KLF12: variants seen among roughly 807,000 people sequenced by gnomAD.
KLF12 encodes Krueppel-like factor 12.
A neutral mutation model predicts 37.8 loss-of-function variants in KLF12; 9 were observed. The ratio of observed to expected loss-of-function variants is 0.24; its 90% CI spans 0.14 to 0.42. The LOEUF (loss-of-function observed/expected upper bound fraction) is 0.42, where lower values mean the gene tolerates loss of function less well. Ranked by LOEUF, KLF12 falls within the 10% of genes least tolerant of loss-of-function variation. KLF12 has a pLI of 1.00. For synonymous variants in KLF12, 208 were observed against 202.1 expected (o/e 1.03, Z -0.25); for missense variants, 411 against 516.0 (o/e 0.80, Z 1.97).
intron 5 of KLF12, among the ~76,000 whole-genome samples, chr13:73,774,977 G>A (rs1880517392): frequency 6.7e-6 from 1 of 150,150 alleles, no homozygotes; most frequent in Non-Finnish European, 1.5e-5. Context: ...GATTACAATG[G>A]CACGATCTCA....
At chr13:74,098,948 T>C (rs1007710083) in intron 1 of KLF12, among the ~76,000 whole-genome samples, 1 of 152,212 alleles carries the variant, frequency 6.6e-6, no homozygotes, top group Non-Finnish European at 1.5e-5. Context: ...TCTTATTTTA[T>C]AACACAAACT....
At chr13:73,709,683 C>T (rs1457447543) in intron 7 of KLF12, among the ~76,000 whole-genome samples, 1 of 152,182 alleles carries the variant, frequency 6.6e-6, no homozygotes, top group Non-Finnish European at 1.5e-5. Context: ...TAGTAACTAT[C>T]TCTCTGCTAA....
chr13:74,089,803 GA>G (rs35244601), intron 1 of KLF12, among the ~76,000 whole-genome samples: 2,035 of 117,700 alleles, frequency 0.017, 28 homozygotes, highest in Middle Eastern at 0.044. Flanking sequence ...CATGCAGGGG[GA>G]AAAAAAAAAA....
intron 6 of KLF12, among the ~76,000 whole-genome samples, chr13:73,724,013 C>T (rs887586030): frequency 6.6e-6 from 1 of 152,132 alleles, no homozygotes; most frequent in Admixed American, 6.5e-5. Flanking sequence ...CCAGAACTAC[C>T]ATTTGACCCA....
chr13:73,880,746 A>G (rs1191803799), intron 3 of KLF12, among the ~76,000 whole-genome samples: 1 of 152,240 alleles, frequency 6.6e-6, no homozygotes, highest in African/African-American at 2.4e-5. Context: ...CAATTTTTCT[A>G]AATCCCAGAT....
intron 3 of KLF12, among the ~76,000 whole-genome samples, chr13:73,879,228 T>C (rs1594204892): frequency 6.6e-6 from 1 of 152,340 alleles, no homozygotes; most frequent in Non-Finnish European, 1.5e-5. Context: ...TTTCTGCTTA[T>C]GCTATTTCTG....
chr13:74,191,429 T>C, the KLF12 span, among the ~76,000 whole-genome samples: 2 of 152,352 alleles, frequency 1.3e-5, no homozygotes, highest in Non-Finnish European at 2.9e-5. Flanking sequence ...TTATTTTCTT[T>C]CACTTATATT....
intron 5 of KLF12, among the ~76,000 whole-genome samples, chr13:73,782,209 T>C (rs1881008859): frequency 6.6e-6 from 1 of 152,216 alleles, no homozygotes; most frequent in Non-Finnish European, 1.5e-5. Flanking sequence ...ATGCCTCAGG[T>C]TTCCTATCTT....
chr13:73,782,564 A>C (rs1487460949), intron 5 of KLF12, among the ~76,000 whole-genome samples: 1 of 152,216 alleles, frequency 6.6e-6, no homozygotes, highest in Non-Finnish European at 1.5e-5. Flanking sequence ...AAGTAACCAG[A>C]GTGTTGCAAC....
chr13:73,949,782 T>A (rs537907307), intron 2 of KLF12, among the ~76,000 whole-genome samples: 1 of 152,338 alleles, frequency 6.6e-6, no homozygotes, highest in East Asian at 1.9e-4. Context: ...GTACCAGAAG[T>A]GGGACAAAAT....
chr13:73,978,282 T>A (rs921029191), intron 2 of KLF12, among the ~76,000 whole-genome samples: 3 of 151,792 alleles, frequency 2.0e-5, no homozygotes, highest in Admixed American at 6.6e-5. Context: ...AAAAAGAGTG[T>A]AAAAAAATGT....
At chr13:74,139,299 G>C in the KLF12 span, among the ~76,000 whole-genome samples, 2 of 152,168 alleles carry the variant, frequency 1.3e-5, no homozygotes, top group Non-Finnish European at 2.9e-5. Flanking sequence ...CAGAACAAGA[G>C]CTGTACTTTA....
At chr13:73,902,923 T>A (rs1888102149) in intron 3 of KLF12, among the ~76,000 whole-genome samples, 1 of 152,250 alleles carries the variant, frequency 6.6e-6, no homozygotes, top group South Asian at 2.1e-4. Context: ...GTTATTTGGT[T>A]AATGCCATTT....
At chr13:73,764,674 G>C (rs554149530) in intron 6 of KLF12, among the ~76,000 whole-genome samples, 41 of 152,010 alleles carry the variant, frequency 2.7e-4, no homozygotes, top group Non-Finnish European at 4.6e-4. Context: ...AAATAGGTAA[G>C]AGTTTATAAT....
chr13:74,207,415 C>A, the KLF12 span, among the ~76,000 whole-genome samples: 1 of 152,170 alleles, frequency 6.6e-6, no homozygotes, highest in Non-Finnish European at 1.5e-5. Flanking sequence ...GTGGCTCATG[C>A]CTGTAATCCC....
At chr13:74,146,127 G>A in the KLF12 span, among the ~76,000 whole-genome samples, 29 of 152,166 alleles carry the variant, frequency 1.9e-4, no homozygotes, top group Non-Finnish European at 4.1e-4. Flanking sequence ...TTAATAGCCA[G>A]CAAAGCACAT....
the KLF12 span, among the ~76,000 whole-genome samples, chr13:74,165,299 C>CTTT: frequency 8.1e-5 from 8 of 98,296 alleles, no homozygotes; most frequent in African/African-American, 1.2e-4. Context: ...ATTTTCTTTT[C>CTTT]TTTTTTTTTT....
At chr13:73,824,730 AAG>A (rs1161543955) in intron 4 of KLF12, among the ~76,000 whole-genome samples, 1 of 152,144 alleles carries the variant, frequency 6.6e-6, no homozygotes, top group Non-Finnish European at 1.5e-5. Flanking sequence ...TTTTATAAGA[AAG>A]AACAATTCCA....
chr13:74,126,142 T>C (rs146105040), intron 1 of KLF12, among the ~76,000 whole-genome samples: 3 of 152,306 alleles, frequency 2.0e-5, no homozygotes, highest in African/African-American at 7.2e-5. Flanking sequence ...ATACATGACA[T>C]ATAAGTTGTA....
Sources: allele counts gnomAD v4.1 joint callset (sites outside exome capture counted in the v4.1 genomes callset), GRCh38; gene constraint gnomAD v4.1.1; transcripts MANE v1.5; gene names NCBI Gene and HGNC (gene_info 2026-07-23, HGNC 2026-07-21).